The following PDZD9 variants were observed in gnomAD, a reference collection of about 807,000 sequenced individuals.
The protein encoded by PDZD9 is PDZ domain-containing protein 9.
Under a neutral mutation model 16.3 loss-of-function variants are expected in PDZD9, and 13 were observed. That is an observed-to-expected ratio of 0.80 (90% CI 0.52 to 1.27). The LOEUF (loss-of-function observed/expected upper bound fraction) is 1.27. Among genes scored for constraint, PDZD9 ranks in the 50% most tolerant of loss-of-function variants. The pLI is 0.00. For missense variants in PDZD9, 288 were observed against 310.9 expected (o/e 0.93, Z 0.55); for synonymous variants, 120 against 111.0 (o/e 1.08, Z -0.51).
At chr16:21,962,516 T>TGTAA in the PDZD9 span, 1 of 1,614,204 alleles carries the variant, frequency 6.2e-7, no homozygotes, top group Non-Finnish European at 8.5e-7. Context: ...CGGGGTGATG[T>TGTAA]GTAAGTACCT....
the PDZD9 span, chr16:21,972,266 GT>G: frequency 8.9e-7 from 1 of 1,126,564 alleles, no homozygotes; most frequent in Non-Finnish European, 1.2e-6. Context: ...CTTGATTTTA[GT>G]ATCTTTGAAG....
chr16:21,994,749 A>G (rs945690993), intron 2 of PDZD9, among the ~76,000 whole-genome samples: 1 of 152,154 alleles, frequency 6.6e-6, no homozygotes. Context: ...CTGGAGTAAC[A>G]TGGTCCCTGA....
At chr16:21,974,029 C>A in the PDZD9 span, 26 of 1,463,218 alleles carry the variant, frequency 1.8e-5, no homozygotes, top group South Asian at 2.4e-5. Context: ...TTCTCCCCCC[C>A]GCCATAAACA....
In PDZD9 at chr16:22,001,069, C is replaced by T. The variant is rs569839214; in HGVS notation, c.-22G>A. 1 of 1,515,904 alleles carries T rather than the reference C, an allele frequency of 6.6e-7. No individual in the cohort carries two copies. The highest frequency in any genetic ancestry group is 2.5e-5 in the East Asian group (1 of 39,282). 93.9% of individuals were successfully genotyped at this position (1,515,904 alleles called of 1,614,324 possible). A position where few individuals can be genotyped will look rare whatever the true frequency, so the allele number is the denominator to read the frequency against. ...GCATGGTCCCGGGAGGTCAGGCAGC[C>T]CGGGAGGGCCTCCCGGAGCAGAGGC... On this transcript the variant is annotated 5_prime_UTR_variant, in exon 1 of 4. Transcript: ENST00000424898.
the PDZD9 span, among the ~76,000 whole-genome samples, chr16:21,963,544 G>C: frequency 1.1e-4 from 17 of 152,002 alleles, no homozygotes; most frequent in Non-Finnish European, 2.2e-4. Context: ...TCTCACTGCA[G>C]CCTGAACCTT....
chr16:21,996,191 G>A (rs2141962582), intron 2 of PDZD9, 131 bp downstream of exon 2: 1 of 1,154,482 alleles, frequency 8.7e-7, no homozygotes, highest in South Asian at 1.6e-5. Flanking sequence ...CTCCCAAAGT[G>A]CTGGGATTAC....
intron 3 of PDZD9, among the ~76,000 whole-genome samples, chr16:21,987,342 C>T (rs928868917): frequency 6.6e-6 from 1 of 152,054 alleles, no homozygotes; most frequent in African/African-American, 2.4e-5. Context: ...ATCACTTGAA[C>T]CCGAGAGGCA....
chr16:21,980,563 G>A, downstream of PDZD9: 3 of 1,613,990 alleles, frequency 1.9e-6, no homozygotes, highest in Non-Finnish European at 2.5e-6. Context: ...GCTGAAAGCT[G>A]GATACCTAAT....
chr16:21,983,190 A>G (rs924121218), downstream of PDZD9: 1 of 1,607,998 alleles, frequency 6.2e-7, no homozygotes, highest in Non-Finnish European at 8.5e-7. Flanking sequence ...CACACATTAC[A>G]GGAGAGAGCT....
At chr16:21,990,529 G>T (rs187429368) in intron 2 of PDZD9, among the ~76,000 whole-genome samples, 6 of 152,318 alleles carry the variant, frequency 3.9e-5, no homozygotes, top group Admixed American at 3.3e-4. Flanking sequence ...TTAAGCAGTA[G>T]CTGGGGGTAA....
Position 21,984,472 on chromosome 16 carries a change from C to G in PDZD9, c.590G>C (p.Ser197Thr). The change falls in exon 4 of 4, where the codon AGT (serine) becomes ACT (threonine). Residue 197 changes from serine to threonine, a missense_variant. Transcript: ENST00000424898. ...HGYKKKNHTI[S>T]VGKDINCDVM... is the part of the protein sequence containing the mutation. ...GTCACAATTAATGTCTTTTCCTACA[C>G]TAATAGTATGGTTCTTCTTCTTATA... 1 of 1,613,058 alleles carries G rather than the reference C, an allele frequency of 6.2e-7. No individual in the cohort carries two copies. The highest frequency in any genetic ancestry group is 8.5e-7 in the Non-Finnish European group (1 of 1,179,112).
At chr16:21,971,626 C>G in the PDZD9 span, 1 of 1,612,926 alleles carries the variant, frequency 6.2e-7, no homozygotes, top group African/African-American at 1.3e-5. Flanking sequence ...TGGAGGTAAG[C>G]ATTTCATTCT....
chr16:21,971,341 ATAGTT>A, the PDZD9 span, among the ~76,000 whole-genome samples: 1 of 152,242 alleles, frequency 6.6e-6, no homozygotes, highest in South Asian at 2.1e-4. Flanking sequence ...TATATAGTAA[ATAGTT>A]TAGTAATAGT....
At chr16:21,976,231 T>G in the PDZD9 span, 15 of 1,613,500 alleles carry the variant, frequency 9.3e-6, no homozygotes, top group Non-Finnish European at 1.3e-5. Context: ...AACACAGATG[T>G]CCAAGCTGCC....
chr16:21,990,983 CTT>C (rs1899007837), intron 2 of PDZD9, among the ~76,000 whole-genome samples: 1 of 151,928 alleles, frequency 6.6e-6, no homozygotes, highest in African/African-American at 2.4e-5. Flanking sequence ...ATTATATAAA[CTT>C]TGTCTCGATT....
chr16:21,987,516 A>G (rs1418408065), intron 3 of PDZD9, among the ~76,000 whole-genome samples: 8 of 152,220 alleles, frequency 5.3e-5, no homozygotes, highest in East Asian at 3.8e-4. Context: ...GAAACTGGCT[A>G]GGAGAAAGGA....
chr16:21,976,651 TGC>T, the PDZD9 span: 1 of 156,494 alleles, frequency 6.4e-6, no homozygotes, highest in South Asian at 1.9e-4. Context: ...TCCTGAGAAA[TGC>T]GCATATCGAA....
chr16:21,960,369 C>T, the PDZD9 span, among the ~76,000 whole-genome samples: 5 of 152,218 alleles, frequency 3.3e-5, no homozygotes, highest in Admixed American at 6.5e-5. Context: ...CTGCATCTCA[C>T]CTCTCTCAGC....
Position 21,988,636 on chromosome 16 carries a change from CAT to C in PDZD9, c.365_366del (p.Tyr122Ter). 6.2e-7 allele frequency: 1 copy of C among 1,612,836 alleles called. No individual in the cohort carries two copies. On this transcript the variant is annotated frameshift_variant, in exon 3 of 4. Coordinates refer to ENST00000424898, the MANE Select transcript of PDZD9 (RefSeq NM_001363519.1). LOFTEE classifies it low-confidence loss of function (END_TRUNC). ...INIPEEWQEIYDLIPEAKFPV... is the reference protein window; with the variant it reads ...INIPEEWQEIXDLIPEAKFPV... The stretch of plus-strand genomic sequence containing the variant: ...GGGAATTTGGCCTCAGGGATTAAAT[CAT>C]ATATTTCTTGCCATTCTTCAGGAAT...
Sources: allele counts gnomAD v4.1 joint callset (sites outside exome capture counted in the v4.1 genomes callset), GRCh38; gene constraint gnomAD v4.1.1; transcripts MANE v1.5; gene names NCBI Gene and HGNC (gene_info 2026-07-23, HGNC 2026-07-21).